Variants in CDKL1 observed in about 807,000 individuals in gnomAD.
CDKL1 encodes the protein cyclin dependent kinase like 1, also known as cyclin-dependent kinase-like 1.
In CDKL1, 41 loss-of-function variants were observed where a neutral mutation model predicts 42.0. The observed-to-expected ratio is 0.98, with a 90% CI of 0.76 to 1.27. CDKL1 has a LOEUF of 1.27. Among genes scored for constraint, CDKL1 ranks in the 50% most tolerant of loss-of-function variants. CDKL1 has a pLI of 0.00. For synonymous variants in CDKL1, 153 were observed against 158.6 expected, an observed-to-expected ratio of 0.96 and a Z score of 0.26; for missense variants, 394 against 428.4, an observed-to-expected ratio of 0.92 and a Z score of 0.71.
intron 2 of CDKL1, among the ~76,000 whole-genome samples, chr14:50,361,152 T>C (rs2034235791): frequency 6.6e-6 from 1 of 152,178 alleles, no homozygotes; most frequent in Non-Finnish European, 1.5e-5. Context: ...AGCAGGCTAC[T>C]CCATCAGTGA....
chr14:50,365,350 G>T (rs2034407320), intron 2 of CDKL1, among the ~76,000 whole-genome samples: 1 of 152,154 alleles, frequency 6.6e-6, no homozygotes, highest in Non-Finnish European at 1.5e-5. Context: ...CTTCCTCCAT[G>T]AGATGATCTT....
chr14:50,382,387 C>G (rs1191317808), intron 2 of CDKL1, among the ~76,000 whole-genome samples: 4 of 152,064 alleles, frequency 2.6e-5, no homozygotes, highest in Non-Finnish European at 1.5e-5. Context: ...GGAGGTGGAG[C>G]TTGCAGTGAG....
In CDKL1 at chr14:50,333,932, C is replaced by A. The variant is rs539768980; in HGVS notation, c.795+633G>T. ...ATATATCAAGTTTTTAAATGTACTT[C>A]AAATGTACCAGGGAGTTAGCTATTT... is the stretch of plus-strand genomic sequence containing the variant. On this transcript the variant is annotated intron_variant, in intron 8 of 9. Transcript: ENST00000395834. 2.4e-4 allele frequency: 36 copies of A among 151,118 alleles called. No individual in the cohort carries two copies. In the East Asian group the frequency reaches 6.4e-3, roughly 27 times the overall value. The allele number at this position is 151,118 out of a possible 1,614,324, so 9.4% of individuals were successfully genotyped here.
intron 2 of CDKL1, chr14:50,376,550 G>C (rs1399375944): frequency 4.2e-6 from 1 of 238,456 alleles, no homozygotes; most frequent in Non-Finnish European, 9.3e-6. Context: ...AATTAATAGA[G>C]GCCTATCTAT....
chr14:50,370,206 T>A (rs2034552480), intron 2 of CDKL1, among the ~76,000 whole-genome samples: 1 of 152,082 alleles, frequency 6.6e-6, no homozygotes. Flanking sequence ...GTAGCTGGGA[T>A]TACAGGTGCC....
At chr14:50,381,372 C>T (rs1250225902) in intron 2 of CDKL1, among the ~76,000 whole-genome samples, 1 of 152,288 alleles carries the variant, frequency 6.6e-6, no homozygotes, top group South Asian at 2.1e-4. Context: ...GAATCAGGCT[C>T]GAGCAGGTCT....
rs1331267806 is a variant in CDKL1, at chr14:50,327,971, T to G, written c.*2103A>C. ...AGTCTCATGTGATACAGTGGAGATT[T>G]CATACCGAATAAAAGCATTATAAAT... On this transcript the variant is annotated 3_prime_UTR_variant, in exon 10 of 10. Transcript: ENST00000395834. The G allele has an allele frequency of 1.3e-5, 2 of 152,194 alleles. No individual in the cohort carries two copies. The highest frequency in any genetic ancestry group is 1.3e-4 in the Admixed American group (2 of 15,276). 9.4% of individuals were successfully genotyped at this position (152,194 alleles called of 1,614,324 possible). A position where few individuals can be genotyped will look rare whatever the true frequency, so the allele number is the denominator to read the frequency against.
At chr14:50,346,391 C>G (rs570131888) in intron 3 of CDKL1, among the ~76,000 whole-genome samples, 1 of 151,896 alleles carries the variant, frequency 6.6e-6, no homozygotes, top group South Asian at 2.1e-4. Flanking sequence ...AAGTCACTGT[C>G]GAGAAAAAAG....
chr14:50,382,813 G>C (rs1258671327), intron 2 of CDKL1, among the ~76,000 whole-genome samples: 1 of 152,094 alleles, frequency 6.6e-6, no homozygotes, highest in Non-Finnish European at 1.5e-5. Flanking sequence ...GGCTGGTCTT[G>C]AACTCCTGAG....
chr14:50,362,899 C>T (rs1332108784), intron 2 of CDKL1: 6 of 441,766 alleles, frequency 1.4e-5, no homozygotes, highest in South Asian at 6.4e-5. Flanking sequence ...CCCTGGGCAC[C>T]ATTCACACTG....
intron 2 of CDKL1, among the ~76,000 whole-genome samples, chr14:50,392,057 C>A (rs2035273209): frequency 6.6e-6 from 1 of 152,188 alleles, no homozygotes. Flanking sequence ...TCGCCAAAGA[C>A]CCTCACATGA....
intron 5 of CDKL1, 120 bp downstream of exon 5, chr14:50,342,012 C>A (rs1595278104): frequency 1.4e-6 from 1 of 732,928 alleles, no homozygotes; most frequent in South Asian, 1.7e-5. Flanking sequence ...TAATTTATAG[C>A]ACACTTATGC....
chr14:50,388,715 G>A (rs1168875902), intron 2 of CDKL1, among the ~76,000 whole-genome samples: 1 of 152,130 alleles, frequency 6.6e-6, no homozygotes, highest in Non-Finnish European at 1.5e-5. Context: ...TGCCAAACAG[G>A]GACATAAATC....
At chr14:50,373,053 T>G (rs1779187620) in intron 2 of CDKL1, among the ~76,000 whole-genome samples, 1 of 152,218 alleles carries the variant, frequency 6.6e-6, no homozygotes, top group Admixed American at 6.5e-5. Flanking sequence ...TTAGCATAGT[T>G]TTTTCTATTT....
At chr14:50,393,005 C>G (rs984299735) in intron 2 of CDKL1, among the ~76,000 whole-genome samples, 2 of 152,164 alleles carry the variant, frequency 1.3e-5, no homozygotes, top group Non-Finnish European at 2.9e-5. Context: ...TTCCTTCTCT[C>G]CCTGGCCTGT....
chr14:50,335,888 G>C (rs565146381), intron 7 of CDKL1: 3 of 1,265,404 alleles, frequency 2.4e-6, no homozygotes, highest in Non-Finnish European at 3.1e-6. Context: ...GGAGAGAAGA[G>C]CCTCTGTTTC....
At chr14:50,330,366 A>G in intron 9 of CDKL1, 185 bp from the exon 10 acceptor site, 1 of 647,800 alleles carries the variant, frequency 1.5e-6, no homozygotes, top group Non-Finnish European at 2.4e-6. Flanking sequence ...TTAAATGTTT[A>G]TATTAAAAAG....
intron 3 of CDKL1, among the ~76,000 whole-genome samples, chr14:50,356,676 C>T (rs1437622878): frequency 5.3e-5 from 8 of 152,198 alleles, no homozygotes; most frequent in African/African-American, 7.2e-5. Context: ...TGAGGCCTGT[C>T]GGGGGCTGAT....
Position 50,332,331 on chromosome 14 carries a change from T to G in CDKL1, c.897A>C (p.Glu299Asp). The change falls in exon 9 of 10, where the codon GAA (glutamate) becomes GAC (aspartate). Residue 299 changes from glutamate (E) to aspartate (D), a missense_variant. Transcript: ENST00000395834. ...NIREIEDLAK[E>D]HNKPTRKTLR... The stretch of plus-strand genomic sequence containing the variant: ...GGGTCTTCCTTGTTGGTTTGTTGTG[T>G]TCTTTTGCCAAATCCTCTATTTCTC... 1 of 1,614,222 alleles carries G rather than the reference T, an allele frequency of 6.2e-7. No individual in the cohort carries two copies.
Sources: gnomAD v4.1 joint callset for allele counts (sites outside exome capture counted in the v4.1 genomes callset) on GRCh38, gnomAD v4.1.1 for gene constraint, MANE v1.5 for transcripts, NCBI Gene and HGNC (gene_info 2026-07-23, HGNC 2026-07-21) for gene names.